PRR14L: variants seen among roughly 807,000 people sequenced by gnomAD.
PRR14L encodes protein PRR14L.
Under a neutral mutation model 155.0 loss-of-function variants are expected in PRR14L, and 80 were observed. The ratio of observed to expected loss-of-function variants is 0.52; its 90% CI spans 0.43 to 0.62. The LOEUF is 0.62. Among genes scored for constraint, PRR14L ranks in the 20% least tolerant of loss-of-function variants. The pLI, the probability that PRR14L is intolerant of heterozygous loss-of-function variation, is 0.00. For missense variants in PRR14L, 2,469 were observed against 2,548.0 expected (o/e 0.97, Z 0.67); for synonymous variants, 883 against 916.0 (o/e 0.96, Z 0.65).
At chr22:31,746,075 G>A (rs993484596) in intron 1 of PRR14L, among the ~76,000 whole-genome samples, 8 of 151,738 alleles carry the variant, frequency 5.3e-5, no homozygotes, top group East Asian at 1.9e-4. Flanking sequence ...GACTACAGGC[G>A]CGAGGCAGTG....
chr22:31,734,093 C>T (rs2074765872), intron 2 of PRR14L, among the ~76,000 whole-genome samples: 1 of 152,178 alleles, frequency 6.6e-6, no homozygotes, highest in Non-Finnish European at 1.5e-5. Context: ...CTGCCTCATC[C>T]TCCCGAATAG....
At chr22:31,686,265 A>AT (rs1016161380) in intron 8 of PRR14L, among the ~76,000 whole-genome samples, 8,311 of 136,330 alleles carry the variant, frequency 0.061, 385 homozygotes, top group African/African-American at 0.13. Context: ...CGCCCGGCTA[A>AT]TTTTTTTTTT....
chr22:31,703,855 T>A (rs918476361), intron 5 of PRR14L, 134 bp from the exon 6 acceptor site: 3 of 549,986 alleles, frequency 5.5e-6, no homozygotes, highest in Non-Finnish European at 9.2e-6. Context: ...TGGAGTGCAA[T>A]GGTACGATCT....
intron 4 of PRR14L, among the ~76,000 whole-genome samples, chr22:31,711,653 G>GGATTA (rs1569498374): frequency 1.3e-5 from 2 of 149,448 alleles, no homozygotes; most frequent in Non-Finnish European, 3.0e-5. Context: ...GTGTGGTGGC[G>GGATTA]CATGCCTGTA....
At chr22:31,731,564 TCAAA>T (rs1241283108) in intron 2 of PRR14L, among the ~76,000 whole-genome samples, 12 of 51,046 alleles carry the variant, frequency 2.4e-4, no homozygotes, top group East Asian at 5.7e-4. Flanking sequence ...TGAGACTGTC[TCAAA>T]AAAAAAAAAA....
At position 31,712,686 on chromosome 22, in the gene PRR14L, G is replaced by A; in HGVS notation, c.5153C>T (p.Pro1718Leu). The A allele has an allele frequency of 6.4e-7, 1 of 1,551,730 alleles. No homozygotes were observed. ...GGATGATTTCACATGAAAGGATACT[G>A]GGAAGATTTCAGAACCAAACAGCAG... ...PSLLFGSEIFPVSFHVKSSSS... is the reference protein window; with the variant it reads ...PSLLFGSEIFLVSFHVKSSSS... The change falls in exon 4 of 9, where the codon CCA becomes CTA. Residue 1718 changes from proline (P) to leucine (L), a missense_variant. Coordinates refer to ENST00000327423, the MANE Select transcript of PRR14L (RefSeq NM_173566.3).
chr22:31,714,229 G>C lies in PRR14L; in HGVS notation c.3610C>G (p.Pro1204Ala), dbSNP rs1283918405. 1 of 1,551,566 alleles carries C rather than the reference G, an allele frequency of 6.4e-7. No homozygotes were observed. Among genetic ancestry groups the C allele is most frequent in the Admixed American group, 2.0e-5 (1 of 50,962 alleles). Residue 1204 changes from proline to alanine, a missense_variant, in exon 4 of 9, where the codon CCA (proline) becomes GCA (alanine). Physicochemically the swap from Pro to Ala is conservative, Grantham distance 27. Around this residue, in one of 2 missense-constraint regions of PRR14L, gnomAD observed 2,363 missense variants for 2,371.6 expected, o/e 1.00. Coordinates refer to ENST00000327423, the MANE Select transcript of PRR14L (RefSeq NM_173566.3). Reference sequence around the variant, plus strand: ...CTTTCTTTGCCAAACTCAGAGTTTGGTTCTAGTCTTGATCCTTCAGTCATT... The same window carrying C: ...CTTTCTTTGCCAAACTCAGAGTTTGCTTCTAGTCTTGATCCTTCAGTCATT... ...QEMTEGSRLE[P>A]NSEFGKESTF... is the part of the protein sequence containing the mutation.
At chr22:31,692,707 T>C (rs2074517443) in intron 7 of PRR14L, among the ~76,000 whole-genome samples, 1 of 152,214 alleles carries the variant, frequency 6.6e-6, no homozygotes, top group Non-Finnish European at 1.5e-5. Context: ...AGTGGTTTGA[T>C]GACAGTTCAC....
At chr22:31,686,430 T>C (rs2074483156) in intron 8 of PRR14L, among the ~76,000 whole-genome samples, 1 of 150,792 alleles carries the variant, frequency 6.6e-6, no homozygotes, top group East Asian at 2.0e-4. Flanking sequence ...AAAAAAAAAC[T>C]TTTTTTTTGA....
chr22:31,705,336 C>G (rs564481618), intron 4 of PRR14L, among the ~76,000 whole-genome samples: 22 of 152,228 alleles, frequency 1.4e-4, no homozygotes, highest in Middle Eastern at 3.4e-3. Flanking sequence ...TAAAATCTGA[C>G]AGTTTCTATA....
intron 7 of PRR14L, among the ~76,000 whole-genome samples, chr22:31,692,692 A>C (rs1011589116): frequency 2.0e-5 from 3 of 152,250 alleles, no homozygotes; most frequent in South Asian, 2.1e-4. Flanking sequence ...CCCAAACTGG[A>C]GATCAGTGGT....
In PRR14L at chr22:31,713,898, G is replaced by A; in HGVS notation, c.3941C>T (p.Pro1314Leu). The stretch of plus-strand genomic sequence containing the variant: ...ATGTCTGTCAGAGGAATTCTCGTGA[G>A]GGTGACAAGCTTTGCAAGCATTCTT... ...VEKNACKACH[P>L]HENSSDRHLP... Residue 1314 changes from proline to leucine, a missense_variant, in exon 4 of 9, where the codon CCT becomes CTT. This residue lies in a region of PRR14L where 2,363 missense variants were observed against 2,371.6 expected (regional missense o/e 1.00). Transcript: ENST00000327423. 1 of 1,551,960 alleles carries A rather than the reference G, an allele frequency of 6.4e-7. No individual in the cohort carries two copies. Among genetic ancestry groups the A allele is most frequent in the Non-Finnish European group, 8.7e-7 (1 of 1,147,048 alleles).
chr22:31,714,604 A>T lies in PRR14L; in HGVS notation c.3235T>A (p.Cys1079Ser). 6.4e-7 allele frequency: 1 copy of T among 1,551,932 alleles called. No homozygotes were observed. The highest frequency in any genetic ancestry group is 8.7e-7 in the Non-Finnish European group (1 of 1,147,062). ...LDVKASNLLD[C>S]GARQEKLAFQ... ...GCCAGTTTCTCTTGCCTTGCACCACAATCCAGTAGATTAGATGCCTTCACG... is the reference window on the plus strand; with the variant it reads ...GCCAGTTTCTCTTGCCTTGCACCACTATCCAGTAGATTAGATGCCTTCACG... The change falls in exon 4 of 9, where the codon TGT becomes AGT. Residue 1079 changes from cysteine (C) to serine (S), a missense_variant. Physicochemically the swap from Cys to Ser is moderately radical, Grantham distance 112. Transcript: ENST00000327423.
intron 1 of PRR14L, among the ~76,000 whole-genome samples, chr22:31,741,981 A>G (rs988984064): frequency 6.6e-6 from 1 of 152,108 alleles, no homozygotes. Flanking sequence ...ATTTTAGGCC[A>G]TTTATGTATG....
chr22:31,730,743 A>G (rs1217603796), intron 2 of PRR14L, among the ~76,000 whole-genome samples: 1 of 152,188 alleles, frequency 6.6e-6, no homozygotes, highest in African/African-American at 2.4e-5. Context: ...TTCCTGCTTG[A>G]GATAATTATT....
At chr22:31,709,604 G>A (rs1198919795) in intron 4 of PRR14L, among the ~76,000 whole-genome samples, 2 of 136,312 alleles carry the variant, frequency 1.5e-5, no homozygotes, top group Non-Finnish European at 3.0e-5. Context: ...GCAGTGGCAC[G>A]ATCTCGGGTC....
chr22:31,719,252 GA>G (rs377568532), intron 3 of PRR14L, among the ~76,000 whole-genome samples: 64 of 136,710 alleles, frequency 4.7e-4, no homozygotes, highest in Non-Finnish European at 6.0e-4. Context: ...AAATTTAAAA[GA>G]AAAAAAAAAA....
intron 1 of PRR14L, among the ~76,000 whole-genome samples, chr22:31,743,717 G>A (rs2074824140): frequency 6.6e-6 from 1 of 150,948 alleles, no homozygotes; most frequent in South Asian, 2.1e-4. Flanking sequence ...CAGGAGAATC[G>A]CTTGAACCTG....
intron 7 of PRR14L, among the ~76,000 whole-genome samples, chr22:31,695,686 TG>T (rs1332378450): frequency 6.6e-6 from 1 of 152,162 alleles, no homozygotes; most frequent in Non-Finnish European, 1.5e-5. Context: ...ATCTTGTCTA[TG>T]CTTGAGAAGG....
Sources: gnomAD v4.1 joint callset for allele counts (sites outside exome capture counted in the v4.1 genomes callset) on GRCh38, gnomAD v4.1.1 for gene constraint, gnomAD v4.1.1 regional missense constraint, MANE v1.5 for transcripts, NCBI Gene and HGNC (gene_info 2026-07-23, HGNC 2026-07-21) for gene names.